Variants in TSHZ2 observed in about 807,000 individuals in gnomAD.
TSHZ2 encodes teashirt zinc finger homeobox 2.
In TSHZ2, 21 loss-of-function variants were observed where a neutral mutation model predicts 74.4. That is an observed-to-expected ratio of 0.28 (90% CI 0.20 to 0.41). TSHZ2 has a LOEUF of 0.41. Among genes scored for constraint, TSHZ2 ranks in the 10% least tolerant of loss-of-function variants. TSHZ2 has a pLI of 1.00. For missense variants in TSHZ2, 1,244 were observed against 1,293.5 expected (o/e 0.96, Z 0.59); for synonymous variants, 540 against 515.3 (o/e 1.05, Z -0.65).
At chr20:53,133,416 C>G (rs1264525368) in intron 1 of TSHZ2, among the ~76,000 whole-genome samples, 2 of 152,208 alleles carry the variant, frequency 1.3e-5, no homozygotes, top group Non-Finnish European at 2.9e-5. Flanking sequence ...TGTATCCATT[C>G]CTCGTGGTCT....
At chr20:53,122,695 A>G (rs1299030454) in intron 1 of TSHZ2, among the ~76,000 whole-genome samples, 1 of 151,986 alleles carries the variant, frequency 6.6e-6, no homozygotes, top group Admixed American at 6.6e-5. Flanking sequence ...GAGGATGGAT[A>G]TTTTTCGGCA....
chr20:53,124,208 C>A (rs1002218234), intron 1 of TSHZ2, among the ~76,000 whole-genome samples: 1 of 152,190 alleles, frequency 6.6e-6, no homozygotes, highest in Non-Finnish European at 1.5e-5. Flanking sequence ...CTGGGCCGGC[C>A]CTTCACTACC....
At chr20:53,404,458 A>C (rs367696320) in intron 2 of TSHZ2, among the ~76,000 whole-genome samples, 106 of 152,324 alleles carry the variant, frequency 7.0e-4, no homozygotes, top group African/African-American at 2.5e-3. Context: ...CAGACATTTA[A>C]ATTCAAGTGC....
chr20:53,114,871 T>A (rs1488472107), intron 1 of TSHZ2, among the ~76,000 whole-genome samples: 4 of 152,156 alleles, frequency 2.6e-5, no homozygotes, highest in African/African-American at 9.7e-5. Flanking sequence ...ATATGTGCAC[T>A]AAATAAGAGT....
In TSHZ2 at chr20:53,254,792, C is replaced by A; in HGVS notation, c.1334C>A (p.Pro445Gln). The change falls in exon 2 of 3, where the codon CCA becomes CAA. Residue 445 changes from proline (P) to glutamine (Q), a missense_variant. Physicochemically the swap from Pro to Gln is moderately conservative, Grantham distance 76 (BLOSUM62 -1). Transcript: ENST00000371497. ...AACAGTGATTCTCTGGCTCCCAAGC[C>A]ATCCAGTAACTCAGCATCAGATTGT... ...APNSDSLAPK[P>Q]SSNSASDCTA... 6.2e-7 allele frequency: 1 copy of A among 1,613,220 alleles called. No individual in the cohort carries two copies. The highest frequency in any genetic ancestry group is 1.1e-5 in the South Asian group (1 of 90,938).
rs541664435 is a variant in TSHZ2 at position 53,429,950 on chromosome 20, G to C, written c.*9-57194G>C. Among the ~76,000 whole-genome samples, 7 of 152,248 alleles carry C rather than the reference G, an allele frequency of 4.6e-5. No homozygotes were observed. In the South Asian group the frequency reaches 1.5e-3, roughly 32 times the overall value. On this transcript the variant is annotated intron_variant, in intron 2 of 2. Coordinates refer to ENST00000371497, the MANE Select transcript of TSHZ2 (RefSeq NM_173485.6). ...GTAGCAGTATCCTTGGTCCTCATCTGCTGGATGCCAGGACTCTCACCAGGC... is the reference window on the plus strand; with the variant it reads ...GTAGCAGTATCCTTGGTCCTCATCTCCTGGATGCCAGGACTCTCACCAGGC...
At chr20:53,410,626 T>TATTA (rs1983023124) in intron 2 of TSHZ2, among the ~76,000 whole-genome samples, 1 of 148,332 alleles carries the variant, frequency 6.7e-6, no homozygotes, top group African/African-American at 2.5e-5. Flanking sequence ...TTATTATTAT[T>TATTA]AGCTGTGTTA....
At chr20:53,043,556 A>AC (rs1568733317) in intron 1 of TSHZ2, among the ~76,000 whole-genome samples, 1 of 152,126 alleles carries the variant, frequency 6.6e-6, no homozygotes, top group African/African-American at 2.4e-5. Flanking sequence ...TAAAAAAAAA[A>AC]TCTCTGAAAC....
chr20:53,445,242 C>T (rs936236033), intron 2 of TSHZ2, among the ~76,000 whole-genome samples: 1 of 152,134 alleles, frequency 6.6e-6, no homozygotes, highest in African/African-American at 2.4e-5. Flanking sequence ...TTTCATGATT[C>T]ATATTGGGTG....
At chr20:53,319,790 C>G (rs1218429775) in intron 2 of TSHZ2, among the ~76,000 whole-genome samples, 1 of 152,236 alleles carries the variant, frequency 6.6e-6, no homozygotes, top group South Asian at 2.1e-4. Context: ...AATGCACTCA[C>G]CCAAAGCCTA....
intron 2 of TSHZ2, among the ~76,000 whole-genome samples, chr20:53,294,539 A>AT (rs1241364698): frequency 6.6e-6 from 1 of 151,994 alleles, no homozygotes; most frequent in Non-Finnish European, 1.5e-5. Flanking sequence ...CAGAGAATAA[A>AT]TTTTTGCTGG....
At chr20:53,060,993 G>A (rs1027783002) in intron 1 of TSHZ2, among the ~76,000 whole-genome samples, 4 of 152,058 alleles carry the variant, frequency 2.6e-5, no homozygotes, top group Admixed American at 2.0e-4. Context: ...TTGCTTCATT[G>A]TTTTCTTATC....
intron 1 of TSHZ2, among the ~76,000 whole-genome samples, chr20:53,046,628 T>C (rs1194015598): frequency 2.6e-5 from 4 of 152,014 alleles, no homozygotes. Flanking sequence ...AATGAGTTAG[T>C]ATTTGATTAA....
intron 1 of TSHZ2, among the ~76,000 whole-genome samples, chr20:53,230,020 AAG>A (rs1326295844): frequency 1.5e-5 from 2 of 137,504 alleles, no homozygotes; most frequent in Non-Finnish European, 3.1e-5. Flanking sequence ...GAAGGGAAAA[AAG>A]AGAAGGAAGG....
intron 1 of TSHZ2, among the ~76,000 whole-genome samples, chr20:53,190,290 A>G (rs1988706977): frequency 1.3e-5 from 2 of 151,172 alleles, no homozygotes; most frequent in East Asian, 3.9e-4. Context: ...AGGTTGTCCA[A>G]CCAGTTGTTT....
Position 53,148,510 on chromosome 20 carries a change from G to T in TSHZ2, c.41-104989G>T, listed in dbSNP as rs565614209. 4.1e-4 allele frequency among the ~76,000 whole-genome samples: 62 copies of T among 152,250 alleles called. 2 individuals carry two copies. The South Asian group carries it at 0.012, about 29-fold the overall frequency. Reference sequence around the variant, plus strand: ...CTTGTTCTGGATATAGTACAGGCCTGACACCCTGTAGATGCTCATATTCAA... The same window carrying T: ...CTTGTTCTGGATATAGTACAGGCCTTACACCCTGTAGATGCTCATATTCAA... On this transcript the variant is annotated intron_variant, in intron 1 of 2. Transcript: ENST00000371497.
chr20:53,255,197 C>G lies in TSHZ2; in HGVS notation c.1739C>G (p.Pro580Arg), dbSNP rs1990438163. ...NLTNKLRPIA[P>R]KWKVMPLVSM... ...ACCAACAAGCTGAGGCCCATTGCAC[C>G]AAAGTGGAAAGTGATGCCACTGGTT... The change falls in exon 2 of 3, where the codon CCA becomes CGA. Residue 580 changes from proline (P) to arginine (R), a missense_variant. This residue lies in a region of TSHZ2 where 562 missense variants were observed against 544.0 expected (regional missense o/e 1.03). Coordinates refer to ENST00000371497, the MANE Select transcript of TSHZ2 (RefSeq NM_173485.6). The surrounding 1 kb of genome is among the most constrained non-coding windows in gnomAD (Gnocchi z 4.1). 6.2e-7 allele frequency: 1 copy of G among 1,614,068 alleles called. No homozygotes were observed. Among genetic ancestry groups the G allele is most frequent in the South Asian group, 1.1e-5 (1 of 91,080 alleles).
At chr20:53,199,652 T>C (rs971445505) in intron 1 of TSHZ2, among the ~76,000 whole-genome samples, 1 of 152,146 alleles carries the variant, frequency 6.6e-6, no homozygotes, top group Non-Finnish European at 1.5e-5. Context: ...GTGACTAGGT[T>C]AGGCCCCCAC....
intron 1 of TSHZ2, among the ~76,000 whole-genome samples, chr20:53,049,553 G>C (rs1171638701): frequency 1.3e-5 from 2 of 152,032 alleles, no homozygotes; most frequent in Admixed American, 6.5e-5. Flanking sequence ...ATGTTTTACT[G>C]TCTTCACCAT....
Sources: gnomAD v4.1 joint callset for allele counts (sites outside exome capture counted in the v4.1 genomes callset) on GRCh38, gnomAD v4.1.1 for gene constraint, gnomAD v4.1.1 regional missense constraint, Gnocchi (gnomAD v3.1) non-coding constraint, MANE v1.5 for transcripts, NCBI Gene and HGNC (gene_info 2026-07-23, HGNC 2026-07-21) for gene names.